The following ANK3 variants were observed in gnomAD, a reference collection of about 807,000 sequenced individuals.
ANK3 encodes the protein ankyrin 3, also known as ankyrin-3.
In ANK3, 57 loss-of-function variants were observed where a neutral mutation model predicts 370.9. That is an observed-to-expected ratio of 0.15 (90% CI 0.12 to 0.19). ANK3 has a LOEUF of 0.19. Ranked by LOEUF, ANK3 falls within the 10% of genes least tolerant of loss-of-function variation. The probability of loss-of-function intolerance (pLI) is 1.00; values close to 1 mark genes in which losing one functional copy is unlikely to be tolerated. For synonymous variants in ANK3, 1,929 were observed against 1,946.3 expected (o/e 0.99, Z 0.23); for missense variants, 4,439 against 5,302.1 (o/e 0.84, Z 5.06).
chr10:60,529,741 G>A (rs1248285193), intron 2 of ANK3, among the ~76,000 whole-genome samples: 2 of 152,154 alleles, frequency 1.3e-5, no homozygotes, highest in African/African-American at 4.8e-5. Flanking sequence ...TATATGAGAT[G>A]TGACAATATA....
chr10:60,140,182 A>G (rs2094501929), intron 23 of ANK3: 2 of 669,798 alleles, frequency 3.0e-6, no homozygotes, highest in Admixed American at 2.8e-5. Flanking sequence ...CTAAAAATAC[A>G]CTGTCAACTA....
At chr10:60,453,591 G>A (rs989690041) in intron 2 of ANK3, among the ~76,000 whole-genome samples, 2 of 152,080 alleles carry the variant, frequency 1.3e-5, no homozygotes, top group Admixed American at 1.3e-4. Context: ...ATGAAAAAAT[G>A]GCTGAATAAA....
upstream of ANK3, among the ~76,000 whole-genome samples, chr10:60,392,516 G>A (rs746822429): frequency 9.2e-5 from 14 of 152,238 alleles, no homozygotes; most frequent in Middle Eastern, 6.8e-3. Flanking sequence ...TCAGGCCGAC[G>A]GTCACCTCCC....
At chr10:60,364,080 G>A (rs952936441) in intron 1 of ANK3, among the ~76,000 whole-genome samples, 3 of 150,676 alleles carry the variant, frequency 2.0e-5, no homozygotes, top group Admixed American at 6.6e-5. Flanking sequence ...GATCACTGAA[G>A]GTCAGGAGTT....
At chr10:60,621,985 C>T (rs2078343603) in intron 1 of ANK3, among the ~76,000 whole-genome samples, 1 of 152,082 alleles carries the variant, frequency 6.6e-6, no homozygotes, top group African/African-American at 2.4e-5. Context: ...GTGAAGAGTG[C>T]AAGTTCTAGA....
chr10:60,636,890 A>G (rs2078562337), intron 1 of ANK3, among the ~76,000 whole-genome samples: 1 of 152,238 alleles, frequency 6.6e-6, no homozygotes, highest in Non-Finnish European at 1.5e-5. Flanking sequence ...GTTGAACTTT[A>G]CTACATTTAA....
chr10:60,552,595 T>G (rs1333713415), intron 2 of ANK3, among the ~76,000 whole-genome samples: 1 of 152,204 alleles, frequency 6.6e-6, no homozygotes, highest in African/African-American at 2.4e-5. Context: ...ATATGTGAGA[T>G]TTGAACTGTT....
At chr10:60,431,568 A>T (rs181261053) in intron 2 of ANK3, among the ~76,000 whole-genome samples, 15 of 152,232 alleles carry the variant, frequency 9.9e-5, no homozygotes, top group Non-Finnish European at 1.8e-4. Flanking sequence ...TTAAAATATA[A>T]ATTACTCTCA....
In ANK3 at chr10:60,075,475, T is replaced by C. The variant is rs924169778; in HGVS notation, c.5406A>G (p.Thr1802=). 1.9e-6 allele frequency: 3 copies of C among 1,612,688 alleles called. No individual in the cohort carries two copies. The highest frequency in any genetic ancestry group is 1.7e-5 in the Admixed American group (1 of 59,998). The change falls in exon 37 of 44, where the codon ACA becomes ACG. Residue 1802 remains threonine, a synonymous_variant. Transcript: ENST00000280772. ...LRTPSASALY[T]SLGSSISATT... is the part of the protein sequence containing the mutation. Reference sequence around the variant, plus strand: ...TTGCAGATATTGACGACCCAAGGGATGTATAGAGTGCACTTGCGGAAGGAG... The same window carrying C: ...TTGCAGATATTGACGACCCAAGGGACGTATAGAGTGCACTTGCGGAAGGAG...
At chr10:60,683,958 T>G (rs2133394133) in intron 1 of ANK3, among the ~76,000 whole-genome samples, 1 of 152,354 alleles carries the variant, frequency 6.6e-6, no homozygotes, top group African/African-American at 2.4e-5. Flanking sequence ...AATCTTACTC[T>G]TTAAAACTCA....
chr10:60,380,684 G>T (rs1375647689), intron 1 of ANK3, among the ~76,000 whole-genome samples: 1 of 152,104 alleles, frequency 6.6e-6, no homozygotes, highest in African/African-American at 2.4e-5. Flanking sequence ...TTTGCTGTTG[G>T]ATGTATCACT....
rs560546121 is a variant in ANK3 at position 60,458,506 on chromosome 10, A to C, written c.96+156680T>G. Among the ~76,000 whole-genome samples the C allele has an allele frequency of 1.2e-3, 178 of 152,232 alleles. 1 individual carries two copies. Among genetic ancestry groups the C allele is most frequent in the Non-Finnish European group, 2.2e-3 (152 of 67,998 alleles). On this transcript the variant is annotated intron_variant, in intron 2 of 43. Coordinates refer to the ANK3 transcript ENST00000373827. ...ACCAGCTGATTATGACCTCATATAC[A>C]ATGGTTGTATGTAGTAACAGCAGTA...
In ANK3 at chr10:60,055,826, T is replaced by C. The variant is rs776486665; in HGVS notation, c.12897A>G (p.Pro4299=). 1 of 1,614,228 alleles carries C rather than the reference T, an allele frequency of 6.2e-7. No homozygotes were observed. Among genetic ancestry groups the C allele is most frequent in the East Asian group, 2.2e-5 (1 of 44,882 alleles). ...GSGHVEEPAS[P]LAAYQKSLEE... ...CTAGAGATTTCTGATATGCTGCTAG[T>C]GGTGATGCTGGTTCTTCAACATGAC... Residue 4299 remains proline, a synonymous_variant, in exon 42 of 44, where the codon CCA becomes CCG. Coordinates refer to ENST00000280772, the MANE Select transcript of ANK3 (RefSeq NM_020987.5).
chr10:60,388,539 TCA>T (rs2062740028), intron 1 of ANK3, among the ~76,000 whole-genome samples: 1 of 152,192 alleles, frequency 6.6e-6, no homozygotes, highest in Non-Finnish European at 1.5e-5. Flanking sequence ...TTATTAATTA[TCA>T]TGGAGGAAAA....
chr10:60,455,970 C>A (rs1360193920), intron 2 of ANK3, among the ~76,000 whole-genome samples: 1 of 152,116 alleles, frequency 6.6e-6, no homozygotes, highest in Non-Finnish European at 1.5e-5. Context: ...TCTGTGTGAC[C>A]AAAGGTGAAT....
chr10:60,180,611 AAACC>A (rs1565505845), intron 18 of ANK3, among the ~76,000 whole-genome samples: 3 of 130,978 alleles, frequency 2.3e-5, no homozygotes, highest in Admixed American at 7.5e-5. Context: ...AAAAAAAAAA[AAACC>A]AAAAAAAAAA....
At chr10:60,311,375 G>A (rs541182020) in intron 1 of ANK3, among the ~76,000 whole-genome samples, 2 of 150,676 alleles carry the variant, frequency 1.3e-5, no homozygotes, top group East Asian at 4.0e-4. Flanking sequence ...CCACTGAAAT[G>A]TAACCCTACT....
At chr10:60,439,189 C>T (rs1033449786) in intron 2 of ANK3, among the ~76,000 whole-genome samples, 19 of 152,030 alleles carry the variant, frequency 1.2e-4, no homozygotes, top group Admixed American at 2.6e-4. Flanking sequence ...GCCTTGACTT[C>T]GAGACCTTAG....
At position 60,069,991 on chromosome 10, in the gene ANK3, T is replaced by C. The variant is rs746487231; in HGVS notation, c.10890A>G (p.Gln3630=). The C allele has an allele frequency of 6.8e-6, 11 of 1,613,954 alleles. No homozygotes were observed. Among genetic ancestry groups the C allele is most frequent in the Non-Finnish European group, 5.9e-6 (7 of 1,180,002 alleles). The change falls in exon 37 of 44, where the codon CAA becomes CAG. Residue 3630 remains glutamine (Q), a synonymous_variant. Transcript: ENST00000280772. Reference sequence around the variant, plus strand: ...AAGTATGCTCACCAATCTGGAAAAATTGGAGCCTCTCTTCAACAAAATCCC... The same window carrying C: ...AAGTATGCTCACCAATCTGGAAAAACTGGAGCCTCTCTTCAACAAAATCCC... The part of the protein sequence containing the change: ...SKRDFVEERL[Q]FFQIGEHTSE...
Sources: gnomAD v4.1 joint callset for allele counts (sites outside exome capture counted in the v4.1 genomes callset) on GRCh38, gnomAD v4.1.1 for gene constraint, MANE v1.5 for transcripts, NCBI Gene and HGNC (gene_info 2026-07-23, HGNC 2026-07-21) for gene names.